The following CPM variants were observed in gnomAD, a reference collection of about 807,000 sequenced individuals.
CPM encodes the protein carboxypeptidase M.
Under a neutral mutation model 46.4 loss-of-function variants are expected in CPM, and 35 were observed. The ratio of observed to expected loss-of-function variants is 0.75; its 90% CI spans 0.58 to 1.00. The LOEUF (loss-of-function observed/expected upper bound fraction) is 1.00, where lower values mean the gene tolerates loss of function less well. Ranked by LOEUF, CPM falls within the 50% of genes least tolerant of loss-of-function variation. The probability of loss-of-function intolerance (pLI) is 0.00; values close to 1 mark genes in which losing one functional copy is unlikely to be tolerated. For synonymous variants in CPM, 195 were observed against 195.3 expected, an observed-to-expected ratio of 1.00 and a Z score of 0.01; for missense variants, 422 against 530.4, an observed-to-expected ratio of 0.80 and a Z score of 2.01.
intron 1 of CPM, among the ~76,000 whole-genome samples, chr12:68,943,082 A>G (rs182135162): frequency 1.3e-5 from 2 of 152,328 alleles, no homozygotes; most frequent in African/African-American, 4.8e-5. Flanking sequence ...TCTAGGAAGA[A>G]TATAGCATCA....
At chr12:68,906,702 T>C (rs1887366267) in intron 2 of CPM, among the ~76,000 whole-genome samples, 1 of 152,078 alleles carries the variant, frequency 6.6e-6, no homozygotes, top group Non-Finnish European at 1.5e-5. Context: ...AAGCTGGTCT[T>C]GAACTCCTGA....
chr12:68,928,921 T>C (rs1261713203), intron 2 of CPM, among the ~76,000 whole-genome samples: 1 of 151,784 alleles, frequency 6.6e-6, no homozygotes, highest in Non-Finnish European at 1.5e-5. Flanking sequence ...ATTTTTTTTT[T>C]TTTTTTTAAG....
chr12:68,880,733 C>G (rs1886152515), intron 3 of CPM, among the ~76,000 whole-genome samples: 1 of 152,180 alleles, frequency 6.6e-6, no homozygotes, highest in African/African-American at 2.4e-5. Context: ...AATAAACATG[C>G]CTTCTGCAGA....
At chr12:68,918,512 A>G (rs1887903275) in intron 2 of CPM, among the ~76,000 whole-genome samples, 1 of 152,176 alleles carries the variant, frequency 6.6e-6, no homozygotes, top group African/African-American at 2.4e-5. Flanking sequence ...TCCATCTAAC[A>G]TAAGAACACT....
intron 1 of CPM, among the ~76,000 whole-genome samples, chr12:68,958,374 G>A (rs1889059638): frequency 6.6e-6 from 1 of 152,058 alleles, no homozygotes; most frequent in Non-Finnish European, 1.5e-5. Context: ...ACTTAAAAAG[G>A]GGATTTTTAA....
rs140858228 is a variant in CPM at position 68,871,994 on chromosome 12, C to T, written c.259-38G>A. On this transcript the variant is annotated intron_variant, in intron 3 of 8. Coordinates refer to ENST00000551568, the MANE Select transcript of CPM (RefSeq NM_198320.5). ...AAGAGAAAAGAGGACATTATTAGGT[C>T]AGAGGCAATAAGGAAAGCACTCCCT... 74 of 1,609,440 alleles carry T rather than the reference C, an allele frequency of 4.6e-5. No homozygotes were observed. In the East Asian group the frequency reaches 1.7e-3, roughly 36 times the overall value.
chr12:68,916,285 T>TA (rs893980088), intron 2 of CPM, among the ~76,000 whole-genome samples: 15 of 150,590 alleles, frequency 1.0e-4, no homozygotes, highest in African/African-American at 2.7e-4. Flanking sequence ...AATTGCTGAT[T>TA]AAAAAAAAAA....
chr12:68,933,353 T>A (rs1325855606), upstream of CPM, among the ~76,000 whole-genome samples: 2 of 151,930 alleles, frequency 1.3e-5, no homozygotes, highest in Admixed American at 1.3e-4. Flanking sequence ...GTGGCGCGGC[T>A]GCTGGTGCCC....
At chr12:68,878,025 G>A (rs1886034117) in intron 3 of CPM, among the ~76,000 whole-genome samples, 1 of 152,182 alleles carries the variant, frequency 6.6e-6, no homozygotes, top group African/African-American at 2.4e-5. Context: ...CCCAGGGAAT[G>A]TTTTCTCTTT....
At chr12:68,926,712 C>G (rs527357877) in intron 2 of CPM, among the ~76,000 whole-genome samples, 1 of 152,084 alleles carries the variant, frequency 6.6e-6, no homozygotes, top group Non-Finnish European at 1.5e-5. Flanking sequence ...TCCCTCCCCG[C>G]TCCCCCAACC....
In CPM at chr12:68,856,631, C is replaced by T. The variant is rs764807912; in HGVS notation, c.1138G>A (p.Glu380Lys). 8 of 1,614,062 alleles carry T rather than the reference C, an allele frequency of 5.0e-6. No individual in the cohort carries two copies. The highest frequency in any genetic ancestry group is 1.6e-4 in the Middle Eastern group (1 of 6,084). Residue 380 changes from glutamate (E) to lysine (K), a missense_variant, in exon 9 of 9, where the codon GAG becomes AAG. Physicochemically the swap from Glu to Lys is moderately conservative, Grantham distance 56. Transcript: ENST00000551568. ...AGAGCACTGAAGTTCTGGGATTTCTCCGGAATAATCACCTTTGTGATGTGT... is the reference window on the plus strand; with the variant it reads ...AGAGCACTGAAGTTCTGGGATTTCTTCGGAATAATCACCTTTGTGATGTGT... ...DPHITKVIIP[E>K]KSQNFSALKK...
chr12:68,901,416 C>T (rs1221053296), intron 2 of CPM, among the ~76,000 whole-genome samples: 5 of 152,228 alleles, frequency 3.3e-5, no homozygotes, highest in African/African-American at 1.2e-4. Flanking sequence ...CAGTCTGCTT[C>T]TCTCTGATGA....
At chr12:68,906,075 A>G (rs536037843) in intron 2 of CPM, among the ~76,000 whole-genome samples, 7 of 152,218 alleles carry the variant, frequency 4.6e-5, no homozygotes, top group Non-Finnish European at 7.3e-5. Context: ...CTTGCAGTGC[A>G]CCAGGCTGTT....
chr12:68,942,040 G>A (rs1169181474), intron 1 of CPM, among the ~76,000 whole-genome samples: 1 of 152,210 alleles, frequency 6.6e-6, no homozygotes, highest in African/African-American at 2.4e-5. Flanking sequence ...GAAAGAATAT[G>A]TCTCAACTCA....
chr12:68,891,103 C>CT (rs1886636034), intron 2 of CPM, among the ~76,000 whole-genome samples: 2 of 152,378 alleles, frequency 1.3e-5, no homozygotes, highest in South Asian at 4.1e-4. Flanking sequence ...AATAACAGCC[C>CT]TACTGGCAAG....
At chr12:68,944,858 G>A (rs117743406) in intron 1 of CPM, among the ~76,000 whole-genome samples, 43 of 152,108 alleles carry the variant, frequency 2.8e-4, no homozygotes, top group African/African-American at 9.9e-4. Flanking sequence ...TAGGTAATGG[G>A]TACTGCTGAT....
In CPM at chr12:68,917,815, G is replaced by T. The variant is rs969635402; in HGVS notation, c.160+14863C>A. ...GCTACACGACCAGCTCCCTTGACCA[G>T]CTCTGAACCCCTAAGACTTGAGTGG... On this transcript the variant is annotated intron_variant, in intron 2 of 8. Transcript: ENST00000551568. 6.6e-5 allele frequency among the ~76,000 whole-genome samples: 10 copies of T among 152,300 alleles called. No homozygotes were observed. The South Asian group carries it at 1.2e-3, about 19-fold the overall frequency.
intron 2 of CPM, among the ~76,000 whole-genome samples, chr12:68,904,203 T>A (rs1478670161): frequency 1.3e-5 from 2 of 152,214 alleles, no homozygotes; most frequent in Non-Finnish European, 2.9e-5. Flanking sequence ...GAAAGGAATC[T>A]ACTTTTCCAT....
chr12:68,905,859 T>C (rs947852362), intron 2 of CPM, among the ~76,000 whole-genome samples: 10 of 152,164 alleles, frequency 6.6e-5, no homozygotes, highest in African/African-American at 2.4e-4. Flanking sequence ...ATCCTTTATA[T>C]AGCAAGTGTT....
Sources: allele counts gnomAD v4.1 joint callset (sites outside exome capture counted in the v4.1 genomes callset), GRCh38; gene constraint gnomAD v4.1.1; transcripts MANE v1.5; gene names NCBI Gene and HGNC (gene_info 2026-07-23, HGNC 2026-07-21).